MND1: variants seen among roughly 807,000 people sequenced by gnomAD.
The protein encoded by MND1 is meiotic nuclear divisions 1.
In MND1, 28 loss-of-function variants were observed where a neutral mutation model predicts 35.1. The ratio of observed to expected loss-of-function variants is 0.80; its 90% CI spans 0.59 to 1.09. The LOEUF (loss-of-function observed/expected upper bound fraction) is 1.09. Among genes scored for constraint, MND1 ranks in the 50% least tolerant of loss-of-function variants. The pLI, the probability that MND1 is intolerant of heterozygous loss-of-function variation, is 0.00. For missense variants in MND1, 213 were observed against 239.6 expected (o/e 0.89, Z 0.73); for synonymous variants, 69 against 70.5 (o/e 0.98, Z 0.11).
intron 4 of MND1, among the ~76,000 whole-genome samples, chr4:153,384,399 AGCTAGGACTACAGGT>A (rs1309279709): frequency 7.3e-6 from 1 of 137,718 alleles, no homozygotes. Context: ...CCTCTTGAGT[AGCTAGGACTACAGGT>A]GCATGCCACC....
chr4:153,345,457 G>T (rs1486892892), intron 1 of MND1: 1 of 985,298 alleles, frequency 1.0e-6, no homozygotes, highest in Non-Finnish European at 1.2e-6. Flanking sequence ...TTTTAAGGAC[G>T]CTCTGCACTG....
chr4:153,402,774 C>T (rs184201510), intron 6 of MND1, among the ~76,000 whole-genome samples: 2 of 152,202 alleles, frequency 1.3e-5, no homozygotes, highest in East Asian at 3.9e-4. Context: ...GAGTGTTTGT[C>T]TATAACAATT....
In MND1 at chr4:153,358,353, G is replaced by A. The variant is rs373243970; in HGVS notation, c.128-121G>A. ...GTTGTGCATGTTGTTATTTTTAAGAGCTTATTAACTTTTTAACTCTTGATT... is the reference window on the plus strand; with the variant it reads ...GTTGTGCATGTTGTTATTTTTAAGAACTTATTAACTTTTTAACTCTTGATT... On this transcript the variant is annotated intron_variant, in intron 3 of 7. Coordinates refer to ENST00000240488, the MANE Select transcript of MND1 (RefSeq NM_032117.4). 6.2e-5 allele frequency: 48 copies of A among 769,798 alleles called. 1 individual carries two copies. The highest frequency in any genetic ancestry group is 2.3e-4 in the East Asian group (8 of 34,770). 47.7% of individuals were successfully genotyped at this position (769,798 alleles called of 1,614,324 possible).
chr4:153,345,994 T>A (rs2149626050), intron 1 of MND1, among the ~76,000 whole-genome samples: 1 of 152,380 alleles, frequency 6.6e-6, no homozygotes, highest in East Asian at 1.9e-4. Context: ...CTGCTAATAC[T>A]AAATGTGTTA....
intron 4 of MND1, among the ~76,000 whole-genome samples, chr4:153,371,881 C>T (rs1031642207): frequency 6.6e-6 from 1 of 152,078 alleles, no homozygotes; most frequent in Non-Finnish European, 1.5e-5. Context: ...TTAATCATTT[C>T]TGGCTTTTGA....
intron 4 of MND1, among the ~76,000 whole-genome samples, chr4:153,371,981 G>A (rs566018442): frequency 6.6e-4 from 101 of 152,090 alleles, no homozygotes; most frequent in Non-Finnish European, 1.1e-3. Context: ...ATATTGTTTT[G>A]TCTCAAGGAA....
chr4:153,376,032 T>C (rs756596831), intron 4 of MND1, among the ~76,000 whole-genome samples: 8 of 152,132 alleles, frequency 5.3e-5, no homozygotes, highest in Non-Finnish European at 1.2e-4. Flanking sequence ...TCCTGAAATA[T>C]ATGTAAATTT....
chr4:153,388,337 A>G (rs1011602136), intron 4 of MND1, among the ~76,000 whole-genome samples: 3 of 152,160 alleles, frequency 2.0e-5, no homozygotes, highest in African/African-American at 2.4e-5. Context: ...AATAAAAATT[A>G]AAAATTAGGC....
At chr4:153,355,844 A>G in intron 3 of MND1, 133 bp downstream of exon 3, 1 of 627,968 alleles carries the variant, frequency 1.6e-6, no homozygotes, top group Non-Finnish European at 2.8e-6. Flanking sequence ...TCTAGAGACA[A>G]AGAAATCATC....
intron 4 of MND1, among the ~76,000 whole-genome samples, chr4:153,371,778 A>G (rs1205916915): frequency 2.6e-5 from 4 of 152,014 alleles, no homozygotes; most frequent in Non-Finnish European, 4.4e-5. Context: ...TTCTTTCAGG[A>G]ACTTTTCCCT....
rs532271740 is a variant in MND1, at chr4:153,356,048, T to C, written c.127+337T>C. 3.3e-4 allele frequency among the ~76,000 whole-genome samples: 51 copies of C among 152,310 alleles called. 1 individual carries two copies. Among genetic ancestry groups the C allele is most frequent in the Middle Eastern group, 6.8e-3 (2 of 294 alleles). On this transcript the variant is annotated intron_variant, in intron 3 of 7. Transcript: ENST00000240488. ...AGCTGGCTGGTAGCGCACACACACTTGTAGTCCCAGCCACTCTGGAGGCTG... is the reference window on the plus strand; with the variant it reads ...AGCTGGCTGGTAGCGCACACACACTCGTAGTCCCAGCCACTCTGGAGGCTG...
At chr4:153,389,425 A>G (rs1728960059) in intron 4 of MND1, among the ~76,000 whole-genome samples, 1 of 152,058 alleles carries the variant, frequency 6.6e-6, no homozygotes, top group Non-Finnish European at 1.5e-5. Context: ...CAGTAGTGCA[A>G]TCTTGGCTCA....
At chr4:153,380,602 G>A (rs1728648876) in intron 4 of MND1, among the ~76,000 whole-genome samples, 1 of 152,180 alleles carries the variant, frequency 6.6e-6, no homozygotes, top group Admixed American at 6.5e-5. Context: ...AGAAATTGTA[G>A]TTCTCTTAAC....
chr4:153,412,635 ACC>A (rs1729716306), intron 7 of MND1, among the ~76,000 whole-genome samples: 1 of 151,674 alleles, frequency 6.6e-6, no homozygotes, highest in East Asian at 1.9e-4. Flanking sequence ...GGCGCACACC[ACC>A]ATGCCCGGCT....
At chr4:153,399,494 A>T (rs1729285226) in intron 6 of MND1, among the ~76,000 whole-genome samples, 1 of 152,202 alleles carries the variant, frequency 6.6e-6, no homozygotes. Flanking sequence ...ATTAACAGGG[A>T]TAGGGAATTG....
intron 5 of MND1, among the ~76,000 whole-genome samples, chr4:153,394,870 A>AT: frequency 6.6e-6 from 1 of 152,128 alleles, no homozygotes; most frequent in Non-Finnish European, 1.5e-5. Flanking sequence ...AAAGTACAAT[A>AT]TTTTTCTAAG....
intron 4 of MND1, among the ~76,000 whole-genome samples, chr4:153,377,674 C>T (rs142811576): frequency 8.0e-4 from 121 of 152,132 alleles, no homozygotes; most frequent in African/African-American, 2.6e-3. Flanking sequence ...GTTAAGGAGA[C>T]GTGTAAGTTG....
At chr4:153,399,546 G>A (rs1729287300) in intron 6 of MND1, among the ~76,000 whole-genome samples, 1 of 152,152 alleles carries the variant, frequency 6.6e-6, no homozygotes, top group Non-Finnish European at 1.5e-5. Context: ...TGTATTTTAG[G>A]CATGTAATTT....
chr4:153,346,099 G>A (rs180908703), intron 1 of MND1, among the ~76,000 whole-genome samples: 15 of 152,302 alleles, frequency 9.8e-5, no homozygotes, highest in African/African-American at 2.9e-4. Flanking sequence ...ATATGTGATC[G>A]AGAAATAAAT....
Sources: allele counts gnomAD v4.1 joint callset (sites outside exome capture counted in the v4.1 genomes callset), GRCh38; gene constraint gnomAD v4.1.1; transcripts MANE v1.5; gene names NCBI Gene and HGNC (gene_info 2026-07-23, HGNC 2026-07-21).